ANKRD18A: variants seen among roughly 807,000 people sequenced by gnomAD.
ANKRD18A encodes ankyrin repeat domain-containing protein 18A.
Under a neutral mutation model 110.6 loss-of-function variants are expected in ANKRD18A, and 72 were observed. That is an observed-to-expected ratio of 0.65 (90% CI 0.54 to 0.79). The LOEUF is 0.79. Ranked by LOEUF, ANKRD18A falls within the 30% of genes least tolerant of loss-of-function variation. The pLI, the probability that ANKRD18A is intolerant of heterozygous loss-of-function variation, is 0.00. For missense variants in ANKRD18A, 934 were observed against 1,163.3 expected, an observed-to-expected ratio of 0.80 and a Z score of 2.87; for synonymous variants, 305 against 410.3, an observed-to-expected ratio of 0.74 and a Z score of 3.10.
downstream of ANKRD18A, chr9:38,566,988 C>T (rs545409738): frequency 7.9e-5 from 12 of 152,294 alleles, no homozygotes; most frequent in African/African-American, 2.9e-4. Context: ...GGTGAGGACA[C>T]ATATTCAAAT....
intron 9 of ANKRD18A, among the ~76,000 whole-genome samples, chr9:38,594,899 C>T (rs150495943): frequency 1.2e-4 from 19 of 152,306 alleles, no homozygotes; most frequent in East Asian, 1.2e-3. Flanking sequence ...AACATGAAGA[C>T]GTTACATTTC....
chr9:38,616,157 A>G (rs1825849145), intron 1 of ANKRD18A, 113 bp from the exon 2 acceptor site: 1 of 822,148 alleles, frequency 1.2e-6, no homozygotes, highest in African/African-American at 1.8e-5. Flanking sequence ...CAAAACAAAT[A>G]ATTTTCTTTT....
intron 3 of ANKRD18A, among the ~76,000 whole-genome samples, chr9:38,613,475 A>C (rs1055772689): frequency 1.4e-5 from 2 of 147,382 alleles, no homozygotes; most frequent in African/African-American, 5.4e-5. Flanking sequence ...TATGTTTAAT[A>C]AAAAAACTCA....
intron 5 of ANKRD18A, among the ~76,000 whole-genome samples, chr9:38,609,825 G>C (rs1250779366): frequency 1.3e-5 from 2 of 151,642 alleles, no homozygotes; most frequent in Admixed American, 1.3e-4. Flanking sequence ...GACATTTCAA[G>C]ACCCAATAAC....
At chr9:38,588,853 C>T (rs185689054) in intron 10 of ANKRD18A, among the ~76,000 whole-genome samples, 190 bp from the exon 11 acceptor site, 2 of 152,196 alleles carry the variant, frequency 1.3e-5, no homozygotes, top group Admixed American at 6.5e-5. Context: ...AAAAGATTCA[C>T]ACTTTCATCA....
chr9:38,619,508 T>C (rs1341543876), intron 1 of ANKRD18A, among the ~76,000 whole-genome samples: 1 of 152,220 alleles, frequency 6.6e-6, no homozygotes, highest in Non-Finnish European at 1.5e-5. Flanking sequence ...TTTCACTCCA[T>C]TATAAACATT....
rs1200597626 is a variant in ANKRD18A, at chr9:38,596,421, A to C, written c.937-18T>G. On this transcript the variant is annotated intron_variant, in intron 8 of 15. Coordinates refer to ENST00000399703, the MANE Select transcript of ANKRD18A (RefSeq NM_147195.4). ...TGAGAATCCTAAATAAAACAAAACA[A>C]ATTTTTAGTTAGCACTCAATAAAAT... 1 of 1,422,088 alleles carries C rather than the reference A, an allele frequency of 7.0e-7. No homozygotes were observed. Among genetic ancestry groups the C allele is most frequent in the Non-Finnish European group, 9.2e-7 (1 of 1,083,504 alleles). The allele number at this position is 1,422,088 out of a possible 1,614,324, so 88.1% of individuals were successfully genotyped here.
At chr9:38,608,686 AAAT>A (rs1279017404) in intron 5 of ANKRD18A, among the ~76,000 whole-genome samples, 1 of 146,888 alleles carries the variant, frequency 6.8e-6, no homozygotes, top group Non-Finnish European at 1.5e-5. Flanking sequence ...ATAAATATAA[AAAT>A]AATATAATTA....
chr9:38,611,470 C>A, intron 3 of ANKRD18A, 149 bp from the exon 4 acceptor site: 1 of 1,405,074 alleles, frequency 7.1e-7, no homozygotes, highest in Non-Finnish European at 9.4e-7. Flanking sequence ...CTCCTCTGTG[C>A]TTTCCCACAC....
In ANKRD18A at chr9:38,577,047, A is replaced by T; in HGVS notation, c.2741+6T>A. 1 of 1,543,604 alleles carries T rather than the reference A, an allele frequency of 6.5e-7. No individual in the cohort carries two copies. Among genetic ancestry groups the T allele is most frequent in the Non-Finnish European group, 8.7e-7 (1 of 1,144,840 alleles). On this transcript the variant is annotated splice_donor_region_variant and intron_variant, in intron 14 of 15. Transcript: ENST00000399703. ...TCATTTTCTATGAGTGTATGTTTTGACTTACTTCATTAATTTTTTTGACAT... is the reference window on the plus strand; with the variant it reads ...TCATTTTCTATGAGTGTATGTTTTGTCTTACTTCATTAATTTTTTTGACAT...
chr9:38,573,512 C>G (rs1342024323), intron 15 of ANKRD18A, among the ~76,000 whole-genome samples: 1 of 152,056 alleles, frequency 6.6e-6, no homozygotes, highest in African/African-American at 2.4e-5. Context: ...GTCAAGAGAT[C>G]GAGACCATCC....
At chr9:38,614,219 G>GTTTTTTTTTTTTTTTTTTTTTT (rs58955752) in intron 3 of ANKRD18A, among the ~76,000 whole-genome samples, 1 of 68,804 alleles carries the variant, frequency 1.5e-5, no homozygotes, top group Admixed American at 2.0e-4. Context: ...GAACACTGAG[G>GTTTTTTTTTTTTTTTTTTTTTT]TTTTTTTTTT....
At chr9:38,598,572 G>C (rs1824989053) in intron 8 of ANKRD18A, among the ~76,000 whole-genome samples, 1 of 152,144 alleles carries the variant, frequency 6.6e-6, no homozygotes, top group African/African-American at 2.4e-5. Context: ...CTTGTAACAA[G>C]CCTATCTCAT....
In ANKRD18A at chr9:38,593,917, A is replaced by C. The variant is rs1824762870; in HGVS notation, c.1855-8T>G. On this transcript the variant is annotated splice_region_variant and splice_polypyrimidine_tract_variant and intron_variant, in intron 9 of 15. Transcript: ENST00000399703. ...AAATTCTCTCACAATCACCTGACAA[A>C]ATATTTTTGTTACCAATTTTATAAA... The C allele has an allele frequency of 2.7e-6, 4 of 1,460,644 alleles. No homozygotes were observed. The highest frequency in any genetic ancestry group is 3.6e-6 in the Non-Finnish European group (4 of 1,107,094). 90.5% of individuals were successfully genotyped at this position (1,460,644 alleles called of 1,614,324 possible). A position where few individuals can be genotyped will look rare whatever the true frequency, so the allele number is the denominator to read the frequency against.
intron 10 of ANKRD18A, among the ~76,000 whole-genome samples, chr9:38,591,390 C>T (rs1268356574): frequency 1.3e-5 from 2 of 152,136 alleles, no homozygotes; most frequent in African/African-American, 2.4e-5. Context: ...TCTGTGTCTC[C>T]GGTTCTTTAT....
At chr9:38,601,518 AG>A (rs1825116407) in intron 7 of ANKRD18A, among the ~76,000 whole-genome samples, 1 of 152,220 alleles carries the variant, frequency 6.6e-6, no homozygotes, top group African/African-American at 2.4e-5. Flanking sequence ...AAACATATAA[AG>A]TAACACTTTA....
chr9:38,570,141 A>AC (rs988419460), downstream of ANKRD18A, among the ~76,000 whole-genome samples: 8 of 151,988 alleles, frequency 5.3e-5, no homozygotes, highest in Admixed American at 1.3e-4. Flanking sequence ...GGCCCCACTG[A>AC]CCAAGTCCCC....
intron 10 of ANKRD18A, among the ~76,000 whole-genome samples, chr9:38,590,195 C>G (rs2118744682): frequency 6.8e-6 from 1 of 147,378 alleles, no homozygotes; most frequent in East Asian, 2.0e-4. Context: ...CTTTCTCTCT[C>G]TCTCCTCTCT....
At chr9:38,609,499 C>G (rs1372194593) in intron 5 of ANKRD18A, among the ~76,000 whole-genome samples, 4 of 151,678 alleles carry the variant, frequency 2.6e-5, no homozygotes, top group Non-Finnish European at 4.4e-5. Context: ...CAAAACAAAA[C>G]AAAACAAAAC....
Sources: gnomAD v4.1 joint callset for allele counts (sites outside exome capture counted in the v4.1 genomes callset) on GRCh38, gnomAD v4.1.1 for gene constraint, MANE v1.5 for transcripts, NCBI Gene and HGNC (gene_info 2026-07-23, HGNC 2026-07-21) for gene names.